ARL17B: variants seen among roughly 807,000 people sequenced by gnomAD.
The protein encoded by ARL17B is ADP-ribosylation factor-like protein 17.
chr17:46,311,136 C>CA (rs61366411), intron 3 of ARL17B: 51,920 of 178,478 alleles, frequency 0.29, 4,092 homozygotes, highest in African/African-American at 0.38. Context: ...GACTTCATCT[C>CA]AAAAAAAAAA....
rs58847868 is a variant in ARL17B, at chr17:46,275,795, G to C, written c.*22-377C>G. ...TTTACACGGATGAGGGGAATATAAA[G>C]GGAAAAATTATGCTAAAACAAAAGA... On this transcript the variant is annotated intron_variant, in intron 4 of 4. Coordinates refer to the ARL17B transcript ENST00000570618. Among the ~76,000 whole-genome samples, 1,025 of 152,182 alleles carry C rather than the reference G, an allele frequency of 6.7e-3. 24 individuals are homozygous for C. The highest frequency in any genetic ancestry group is 0.024 in the African/African-American group (986 of 41,466).
rs1179399603 is a variant in ARL17B at position 46,292,355 on chromosome 17, G to A, written c.*21+7171C>T. 2.6e-5 allele frequency among the ~76,000 whole-genome samples: 2 copies of A among 78,084 alleles called. 1 individual carries two copies. Among genetic ancestry groups the A allele is most frequent in the African/African-American group, 6.5e-5 (2 of 30,916 alleles). The allele number at this position is 78,084 out of a possible 152,430, so 51.2% of individuals were successfully genotyped here. ...TCGAGGAAAAAAAAAAAAAAGAAAA[G>A]GAAAACAACTCAAGGGTTGGATAAC... On this transcript the variant is annotated intron_variant, in intron 4 of 4. Coordinates refer to the ARL17B transcript ENST00000570618.
At chr17:46,278,415 G>GTTTTAAGATGGAGTCT (rs1357106363) in intron 4 of ARL17B, among the ~76,000 whole-genome samples, 1 of 118,550 alleles carries the variant, frequency 8.4e-6, no homozygotes, top group South Asian at 2.4e-4. Flanking sequence ...TTTTTTTGTT[G>GTTTTAAGATGGAGTCT]TTGTTTTAAG....
At chr17:46,282,516 G>A (rs1460500390) in intron 4 of ARL17B, among the ~76,000 whole-genome samples, 1 of 151,430 alleles carries the variant, frequency 6.6e-6, no homozygotes, top group Non-Finnish European at 1.5e-5. Flanking sequence ...CTGTACTCAA[G>A]TGATTCTCCT....
At chr17:46,284,519 C>T (rs1163937121) in intron 4 of ARL17B, among the ~76,000 whole-genome samples, 1 of 152,224 alleles carries the variant, frequency 6.6e-6, no homozygotes, top group African/African-American at 2.4e-5. Flanking sequence ...AATGGAGTCT[C>T]CTATGTCTAC....
chr17:46,285,517 A>G (rs1404974050), intron 4 of ARL17B, among the ~76,000 whole-genome samples: 10 of 152,180 alleles, frequency 6.6e-5, no homozygotes, highest in Non-Finnish European at 1.5e-5. Flanking sequence ...CTGGGATTAC[A>G]GGTGTGAGCC....
At chr17:46,281,578 C>T (rs1478489367) in intron 4 of ARL17B, among the ~76,000 whole-genome samples, 7 of 152,240 alleles carry the variant, frequency 4.6e-5, no homozygotes, top group South Asian at 2.1e-4. Context: ...TACAGGTGCA[C>T]GCCACTATGC....
intron 3 of ARL17B, chr17:46,322,972 G>A (rs1405862737): frequency 4.8e-6 from 2 of 418,432 alleles, no homozygotes; most frequent in Admixed American, 7.8e-5. Context: ...AACAACGCTA[G>A]TCCCACTTAC....
At chr17:46,291,374 C>A (rs895270722) in intron 4 of ARL17B, among the ~76,000 whole-genome samples, 9 of 151,782 alleles carry the variant, frequency 5.9e-5, no homozygotes, top group African/African-American at 2.2e-4. Context: ...AAACTGTGAG[C>A]AGGACTAAAA....
At chr17:46,280,100 C>T (rs80200846) in intron 4 of ARL17B, among the ~76,000 whole-genome samples, 16,999 of 147,150 alleles carry the variant, frequency 0.12, 2 homozygotes, top group Middle Eastern at 0.18. Context: ...TGGCCAGGCG[C>T]GGTGGCTCAC....
At chr17:46,279,059 A>C (rs2049680420) in intron 4 of ARL17B, among the ~76,000 whole-genome samples, 1 of 152,174 alleles carries the variant, frequency 6.6e-6, no homozygotes, top group South Asian at 2.1e-4. Context: ...TGGCCTCCCA[A>C]AGTGTTGGGA....
rs549883274 is a variant in ARL17B, at chr17:46,323,758, A to T, written c.260-24093T>A. Among the ~76,000 whole-genome samples the T allele has an allele frequency of 3.7e-4, 39 of 104,176 alleles. 11 individuals are homozygous for T. In the East Asian group the frequency reaches 9.7e-3, roughly 26 times the overall value. 68.3% of individuals were successfully genotyped at this position (104,176 alleles called of 152,430 possible). A position where few individuals can be genotyped will look rare whatever the true frequency, so the allele number is the denominator to read the frequency against. ...TCCATGTTGTTGCACCTATCACTACAGCTGGCCCTCCATATCTGCAGGTTC... is the reference window on the plus strand; with the variant it reads ...TCCATGTTGTTGCACCTATCACTACTGCTGGCCCTCCATATCTGCAGGTTC... On this transcript the variant is annotated intron_variant, in intron 3 of 4. Coordinates refer to the ARL17B transcript ENST00000434041.
At chr17:46,314,634 A>G (rs1234202857) in intron 3 of ARL17B, among the ~76,000 whole-genome samples, 1 of 72,724 alleles carries the variant, frequency 1.4e-5, no homozygotes, top group African/African-American at 3.5e-5. Flanking sequence ...ATAAATGAAA[A>G]CTTTTTCACT....
chr17:46,288,317 T>C (rs1357424823), intron 4 of ARL17B, among the ~76,000 whole-genome samples: 3 of 148,176 alleles, frequency 2.0e-5, no homozygotes, highest in Non-Finnish European at 3.0e-5. Flanking sequence ...TTTTTTTTTT[T>C]TTTTTTTTTT....
In ARL17B at chr17:46,283,139, C is replaced by T. The variant is rs2049814795; in HGVS notation, c.*22-7721G>A. ...TCTCAAAAAAATAAAATAAAATAAC[C>T]GAGTATGCACAATTCAACTGTAATA... is the stretch of plus-strand genomic sequence containing the variant. On this transcript the variant is annotated intron_variant, in intron 4 of 4. Transcript: ENST00000570618. Among the ~76,000 whole-genome samples the T allele has an allele frequency of 2.0e-5, 3 of 152,124 alleles. No individual in the cohort carries two copies. In the South Asian group the frequency reaches 6.2e-4, roughly 31 times the overall value.
At chr17:46,287,940 T>C (rs2049962702) in intron 4 of ARL17B, among the ~76,000 whole-genome samples, 1 of 152,220 alleles carries the variant, frequency 6.6e-6, no homozygotes. Context: ...ATAGGCACAG[T>C]GTAGGAACAT....
intron 3 of ARL17B, among the ~76,000 whole-genome samples, chr17:46,316,558 C>T (rs2051118359): frequency 1.5e-5 from 1 of 65,798 alleles, no homozygotes; most frequent in Admixed American, 1.6e-4. Flanking sequence ...ACCTCAGCCT[C>T]CTGGGTAGCT....
intron 4 of ARL17B, among the ~76,000 whole-genome samples, chr17:46,275,711 T>G (rs2049566872): frequency 6.6e-6 from 1 of 152,220 alleles, no homozygotes; most frequent in Admixed American, 6.5e-5. Flanking sequence ...AATAGAGACA[T>G]TTACAGAAGC....
At chr17:46,278,806 AT>A (rs572496753) in intron 4 of ARL17B, among the ~76,000 whole-genome samples, 3 of 150,662 alleles carry the variant, frequency 2.0e-5, no homozygotes, top group African/African-American at 4.9e-5. Flanking sequence ...TTTTATTTTT[AT>A]TTTTTTTGAC....
Sources: allele counts gnomAD v4.1 joint callset (sites outside exome capture counted in the v4.1 genomes callset), GRCh38; gene constraint gnomAD v4.1.1; transcripts MANE v1.5; gene names NCBI Gene and HGNC (gene_info 2026-07-23, HGNC 2026-07-21).